MAP3K14: variants seen among roughly 807,000 people sequenced by gnomAD.
MAP3K14 encodes the protein NF-kappa-beta-inducing kinase.
In MAP3K14, 16 loss-of-function variants were observed where a neutral mutation model predicts 99.2. That is an observed-to-expected ratio of 0.16 (90% CI 0.11 to 0.24). The LOEUF is 0.24. Among genes scored for constraint, MAP3K14 ranks in the 10% least tolerant of loss-of-function variants. MAP3K14 has a pLI of 1.00. For missense variants in MAP3K14, 784 were observed against 1,208.7 expected (o/e 0.65, Z 5.21); for synonymous variants, 462 against 492.4 (o/e 0.94, Z 0.82).
intron 1 of MAP3K14, among the ~76,000 whole-genome samples, chr17:45,291,296 CTG>C (rs10578692): frequency 0.48 from 71,605 of 149,464 alleles, 17,827 homozygotes; most frequent in East Asian, 0.88. Flanking sequence ...AGGTAGATAT[CTG>C]TGTGTGTGTG....
intron 6 of MAP3K14, chr17:45,282,241 C>G (rs2044228890): frequency 6.6e-6 from 1 of 152,070 alleles, no homozygotes; most frequent in Non-Finnish European, 1.5e-5. Flanking sequence ...CCAGCCTGGA[C>G]TTTTTATGCG....
At chr17:45,288,379 G>GTTTT (rs11410554) in intron 3 of MAP3K14, among the ~76,000 whole-genome samples, 6 of 135,810 alleles carry the variant, frequency 4.4e-5, no homozygotes, top group Non-Finnish European at 3.1e-5. Flanking sequence ...TTGAACTCTT[G>GTTTT]TTTTTTTTTT....
chr17:45,280,782 TA>T (rs1475802442), intron 6 of MAP3K14, among the ~76,000 whole-genome samples: 2 of 151,752 alleles, frequency 1.3e-5, no homozygotes, highest in Non-Finnish European at 2.9e-5. Flanking sequence ...GCTAATTTTT[TA>T]TATTTTTGGT....
rs1393030555 is a variant in MAP3K14, at chr17:45,286,908, T to C, written c.675A>G (p.Glu225=). The C allele has an allele frequency of 1.2e-6, 2 of 1,613,824 alleles. No individual in the cohort carries two copies. Among genetic ancestry groups the C allele is most frequent in the African/African-American group, 1.3e-5 (1 of 74,894 alleles). Residue 225 remains glutamate, a synonymous_variant, in exon 5 of 16, where the codon GAA becomes GAG. Transcript: ENST00000344686. This position sits in a 1 kb window ranked among gnomAD's most constrained non-coding sequence, Gnocchi z 4.1. ...GCAAGGGGCTGATCAGTTTGTGGAG[T>C]TCTGATCGAGGCAGAGCCGGCCGTA... ...EGLRPALPRS[E]LHKLISPLQC...
At chr17:45,278,289 C>T (rs979592585) in intron 6 of MAP3K14, among the ~76,000 whole-genome samples, 2 of 152,234 alleles carry the variant, frequency 1.3e-5, no homozygotes, top group South Asian at 2.1e-4. Context: ...CTTTAGAAGT[C>T]GGTGCCAGAG....
In MAP3K14 at chr17:45,263,569, G is replaced by A. The variant is rs708563; in HGVS notation, c.*1067C>T. ...TATGCTCCTACAGTGTCACTGCCCTGCCCTGCCCTGCCAGAGGGCAGCCAT... is the reference window on the plus strand; with the variant it reads ...TATGCTCCTACAGTGTCACTGCCCTACCCTGCCCTGCCAGAGGGCAGCCAT... On this transcript the variant is annotated 3_prime_UTR_variant, in exon 16 of 16. Transcript: ENST00000344686. 0.52 allele frequency: 79,053 copies of A among 152,580 alleles called. 20,716 individuals are homozygous for A. The highest frequency in any genetic ancestry group is 0.55 in the Non-Finnish European group (37,280 of 68,090). The allele number at this position is 152,580 out of a possible 1,614,324, so 9.5% of individuals were successfully genotyped here. A position where few individuals can be genotyped will look rare whatever the true frequency, so the allele number is the denominator to read the frequency against.
chr17:45,270,827 G>A, intron 10 of MAP3K14: 2 of 766,080 alleles, frequency 2.6e-6, no homozygotes, highest in Non-Finnish European at 4.3e-6. Flanking sequence ...TGGGGCCCAG[G>A]GTATGGACAG....
chr17:45,301,214 A>C (rs1329713962), intron 1 of MAP3K14, among the ~76,000 whole-genome samples: 3 of 151,892 alleles, frequency 2.0e-5, no homozygotes, highest in Non-Finnish European at 4.4e-5. Flanking sequence ...CTGTAATCCC[A>C]ACACTTTGGG....
At chr17:45,291,848 C>G (rs1232021646) in intron 1 of MAP3K14, among the ~76,000 whole-genome samples, 1 of 152,240 alleles carries the variant, frequency 6.6e-6, no homozygotes, top group Non-Finnish European at 1.5e-5. Context: ...AAGCTGCTAC[C>G]AGCAGAAATC....
At position 45,290,713 on chromosome 17, in the gene MAP3K14, G is replaced by T; in HGVS notation, c.33C>A (p.Ala11=). 1 of 1,613,368 alleles carries T rather than the reference G, an allele frequency of 6.2e-7. No individual in the cohort carries two copies. The highest frequency in any genetic ancestry group is 8.5e-7 in the Non-Finnish European group (1 of 1,179,764). ...TCTGCTGCCCCACTGCTGAGCCAGG[G>T]GCACCTGGGCAGGCCATTTCCATCA... The part of the protein sequence containing the change: MAVMEMACPG[A]PGSAVGQQKE... Residue 11 remains alanine (A), a synonymous_variant, in exon 2 of 16, where the codon GCC becomes GCA. Transcript: ENST00000344686.
intron 11 of MAP3K14, 32 bp downstream of exon 11, chr17:45,270,381 C>A: frequency 6.3e-7 from 1 of 1,599,608 alleles, no homozygotes; most frequent in South Asian, 1.1e-5. Context: ...GTCTTCTGCC[C>A]CCCGGGTCAG....
intron 1 of MAP3K14, among the ~76,000 whole-genome samples, chr17:45,296,013 C>T (rs2044344191): frequency 6.6e-6 from 1 of 152,216 alleles, no homozygotes; most frequent in Admixed American, 6.5e-5. Context: ...TTGAAAATGT[C>T]TACAAGGGGC....
intron 6 of MAP3K14, among the ~76,000 whole-genome samples, chr17:45,280,757 G>T (rs2044215724): frequency 6.6e-6 from 1 of 151,636 alleles, no homozygotes; most frequent in Non-Finnish European, 1.5e-5. Flanking sequence ...TTACAGGCAT[G>T]CGCTACCACA....
rs1463684916 is a variant in MAP3K14, at chr17:45,292,860, G to C, written c.-20-2095C>G. On this transcript the variant is annotated intron_variant, in intron 1 of 15. Transcript: ENST00000344686. Reference sequence around the variant, plus strand: ...CTCCTCATTTCTATTTGAAGAAGCTGAGGCCTAATTCAGTGGAGACTTGCC... The same window carrying C: ...CTCCTCATTTCTATTTGAAGAAGCTCAGGCCTAATTCAGTGGAGACTTGCC... Among the ~76,000 whole-genome samples, 4 of 152,218 alleles carry C rather than the reference G, an allele frequency of 2.6e-5. No homozygotes were observed. The East Asian group carries it at 7.7e-4, about 29-fold the overall frequency.
At chr17:45,307,274 A>T (rs991772047) in intron 1 of MAP3K14, among the ~76,000 whole-genome samples, 5 of 152,176 alleles carry the variant, frequency 3.3e-5, no homozygotes, top group Non-Finnish European at 5.9e-5. Flanking sequence ...TTAAAAAAAA[A>T]AATTAATTAA....
At chr17:45,271,972 T>A (rs1270607311) in intron 9 of MAP3K14, among the ~76,000 whole-genome samples, 1 of 152,202 alleles carries the variant, frequency 6.6e-6, no homozygotes, top group African/African-American at 2.4e-5. Context: ...GAACAGTGGT[T>A]TTTTTCCTGG....
chr17:45,267,275 G>T lies in MAP3K14; in HGVS notation c.2327-77C>A. On this transcript the variant is annotated intron_variant, in intron 12 of 15. Coordinates refer to ENST00000344686, the MANE Select transcript of MAP3K14 (RefSeq NM_003954.5). This position sits in a 1 kb window ranked among gnomAD's most constrained non-coding sequence, Gnocchi z 5.1. ...TGTTTTCAGGGGTTCTTCCTGCACA[G>T]TCGGTAGAAGCTGAGCTGCTGGGGA... 7.3e-7 allele frequency: 1 copy of T among 1,377,838 alleles called. No individual in the cohort carries two copies. Among genetic ancestry groups the T allele is most frequent in the Non-Finnish European group, 1.0e-6 (1 of 988,700 alleles). 85.4% of individuals were successfully genotyped at this position (1,377,838 alleles called of 1,614,324 possible).
chr17:45,312,275 T>A (rs1400493016), intron 1 of MAP3K14, among the ~76,000 whole-genome samples: 1 of 152,238 alleles, frequency 6.6e-6, no homozygotes, highest in Non-Finnish European at 1.5e-5. Context: ...AGGCACACTC[T>A]GCCTCTCACC....
intron 5 of MAP3K14, among the ~76,000 whole-genome samples, chr17:45,285,309 C>T (rs1381197159): frequency 1.3e-5 from 2 of 151,442 alleles, no homozygotes; most frequent in Non-Finnish European, 2.9e-5. Flanking sequence ...TGAAGAGGGG[C>T]GGGGGTCAAG....
Sources: gnomAD v4.1 joint callset for allele counts (sites outside exome capture counted in the v4.1 genomes callset) on GRCh38, gnomAD v4.1.1 for gene constraint, Gnocchi (gnomAD v3.1) non-coding constraint, MANE v1.5 for transcripts, NCBI Gene and HGNC (gene_info 2026-07-23, HGNC 2026-07-21) for gene names.